COL28A1: variants seen among roughly 807,000 people sequenced by gnomAD.
COL28A1 encodes collagen alpha-1(XXVIII) chain.
A neutral mutation model predicts 150.2 loss-of-function variants in COL28A1; 161 were observed. The observed-to-expected ratio is 1.07, with a 90% CI of 0.94 to 1.22. The LOEUF (loss-of-function observed/expected upper bound fraction) is 1.22. Ranked by LOEUF, COL28A1 falls within the 50% of genes most tolerant of loss-of-function variation. The pLI is 0.00. For synonymous variants in COL28A1, 552 were observed against 469.7 expected, an observed-to-expected ratio of 1.18 and a Z score of -2.26; for missense variants, 1,617 against 1,388.3, an observed-to-expected ratio of 1.16 and a Z score of -2.62.
At chr7:7,488,007 C>G (rs1177930567) in intron 13 of COL28A1, among the ~76,000 whole-genome samples, 1 of 152,148 alleles carries the variant, frequency 6.6e-6, no homozygotes, top group Non-Finnish European at 1.5e-5. Flanking sequence ...AAACTGCCAG[C>G]CATGTGAGGC....
chr7:7,342,068 A>G, the COL28A1 span, among the ~76,000 whole-genome samples: 2 of 152,076 alleles, frequency 1.3e-5, no homozygotes, highest in Admixed American at 6.5e-5. Context: ...GGCTCCGCCT[A>G]TTTCTCCTTA....
chr7:7,389,728 T>C (rs898648150), intron 27 of COL28A1, among the ~76,000 whole-genome samples: 3 of 152,158 alleles, frequency 2.0e-5, no homozygotes, highest in Admixed American at 1.3e-4. Flanking sequence ...TTGTAAGTTG[T>C]ATTCCTAGGT....
At chr7:7,472,921 G>T (rs915315267) in intron 15 of COL28A1, among the ~76,000 whole-genome samples, 1 of 152,140 alleles carries the variant, frequency 6.6e-6, no homozygotes, top group Middle Eastern at 3.2e-3. Flanking sequence ...ATATAGTGGG[G>T]AAAGGACACC....
chr7:7,458,787 C>T (rs766541055), intron 15 of COL28A1, among the ~76,000 whole-genome samples: 29 of 152,136 alleles, frequency 1.9e-4, no homozygotes, highest in Non-Finnish European at 3.4e-4. Context: ...AACTGTTAGA[C>T]GGCAGAGGTG....
intron 18 of COL28A1, among the ~76,000 whole-genome samples, chr7:7,452,030 A>C (rs779316494): frequency 1.3e-5 from 2 of 152,206 alleles, no homozygotes; most frequent in Non-Finnish European, 2.9e-5. Context: ...ATTTATTGAG[A>C]ATCTATCATG....
At chr7:7,505,435 C>T (rs954493462) in intron 11 of COL28A1, among the ~76,000 whole-genome samples, 2 of 152,158 alleles carry the variant, frequency 1.3e-5, no homozygotes, top group African/African-American at 4.8e-5. Context: ...GAAAAGAGAG[C>T]CTTATAACCA....
At chr7:7,421,938 C>T (rs2128308945) in intron 25 of COL28A1, among the ~76,000 whole-genome samples, 1 of 152,278 alleles carries the variant, frequency 6.6e-6, no homozygotes, top group East Asian at 1.9e-4. Flanking sequence ...TTCCTGCCAG[C>T]TGAAAGGATC....
chr7:7,525,545 T>C lies in COL28A1; in HGVS notation c.682-1296A>G, dbSNP rs1047131930. ...AAGGGGTAATTTACATACGATAAAATAGAAAGATGAAGGAGCAAGCACTGG... is the reference window on the plus strand; with the variant it reads ...AAGGGGTAATTTACATACGATAAAACAGAAAGATGAAGGAGCAAGCACTGG... On this transcript the variant is annotated intron_variant, in intron 3 of 34. Transcript: ENST00000399429. Among the ~76,000 whole-genome samples the C allele has an allele frequency of 2.6e-5, 4 of 152,124 alleles. 1 individual carries two copies. Among genetic ancestry groups the C allele is most frequent in the African/African-American group, 9.7e-5 (4 of 41,432 alleles).
intron 9 of COL28A1, among the ~76,000 whole-genome samples, chr7:7,508,465 C>G (rs1008028636): frequency 2.6e-5 from 4 of 152,086 alleles, no homozygotes; most frequent in Non-Finnish European, 2.9e-5. Context: ...TAAGGTTCAC[C>G]GGCTGTCCTT....
the COL28A1 span, among the ~76,000 whole-genome samples, chr7:7,343,302 T>C: frequency 1.3e-5 from 2 of 152,194 alleles, no homozygotes; most frequent in African/African-American, 4.8e-5. Context: ...TGTCTATGCC[T>C]CATGCCCCCT....
At chr7:7,520,255 T>A (rs1026828178) in intron 5 of COL28A1, 140 bp from the exon 6 acceptor site, 2 of 520,004 alleles carry the variant, frequency 3.8e-6, no homozygotes, top group Non-Finnish European at 6.7e-6. Flanking sequence ...AATTCAATTC[T>A]CTTCTCCCTT....
intron 13 of COL28A1, among the ~76,000 whole-genome samples, chr7:7,478,581 G>A (rs117465768): frequency 0.098 from 14,851 of 152,312 alleles, 902 homozygotes; most frequent in Middle Eastern, 0.21. Flanking sequence ...GGCACCAGGC[G>A]CTGTGGAGCA....
At chr7:7,523,746 C>A (rs766668097) in intron 4 of COL28A1, among the ~76,000 whole-genome samples, 2 of 152,140 alleles carry the variant, frequency 1.3e-5, no homozygotes, top group African/African-American at 4.8e-5. Context: ...GCCACGTGGT[C>A]TGGTTGCCAT....
At chr7:7,518,211 T>A (rs941824366) in intron 6 of COL28A1, among the ~76,000 whole-genome samples, 4 of 152,204 alleles carry the variant, frequency 2.6e-5, no homozygotes, top group African/African-American at 9.6e-5. Flanking sequence ...CAAGAGTGAT[T>A]GCTTGATTTC....
the COL28A1 span, among the ~76,000 whole-genome samples, chr7:7,347,087 G>T: frequency 0.046 from 7,005 of 151,896 alleles, 224 homozygotes; most frequent in Non-Finnish European, 0.066. Flanking sequence ...TTTTTCCATG[G>T]AGTGATGGAT....
chr7:7,390,895 C>G (rs910357985), intron 27 of COL28A1, among the ~76,000 whole-genome samples: 3 of 151,792 alleles, frequency 2.0e-5, no homozygotes, highest in Non-Finnish European at 2.9e-5. Flanking sequence ...ATTGGTCCAG[C>G]TAGTGGTCTA....
At chr7:7,411,278 CAAG>C (rs1425958964) in intron 27 of COL28A1, among the ~76,000 whole-genome samples, 3 of 152,134 alleles carry the variant, frequency 2.0e-5, no homozygotes, top group Non-Finnish European at 4.4e-5. Context: ...AGCACAGAGT[CAAG>C]AATCTTATAA....
intron 25 of COL28A1, among the ~76,000 whole-genome samples, chr7:7,429,928 A>G (rs1317009848): frequency 6.6e-6 from 1 of 152,134 alleles, no homozygotes; most frequent in Admixed American, 6.5e-5. Flanking sequence ...TTCTGGCAGC[A>G]TATTAGCCAT....
intron 27 of COL28A1, among the ~76,000 whole-genome samples, chr7:7,410,935 A>G (rs1343241777): frequency 6.6e-6 from 1 of 152,148 alleles, no homozygotes; most frequent in Non-Finnish European, 1.5e-5. Context: ...CAACGAATAA[A>G]TCGTTTCTAT....
Sources: gnomAD v4.1 joint callset for allele counts (sites outside exome capture counted in the v4.1 genomes callset) on GRCh38, gnomAD v4.1.1 for gene constraint, MANE v1.5 for transcripts, NCBI Gene and HGNC (gene_info 2026-07-23, HGNC 2026-07-21) for gene names.